The following HPSE2 variants were observed in gnomAD, a reference collection of about 807,000 sequenced individuals.
HPSE2 encodes the protein inactive heparanase-2.
HPSE2 carries 38 observed loss-of-function variants against 60.5 expected under a neutral mutation model. The observed-to-expected ratio is 0.63, with a 90% confidence interval of 0.48 to 0.82. HPSE2 has a LOEUF of 0.82. Among genes scored for constraint, HPSE2 ranks in the 40% least tolerant of loss-of-function variants. The pLI is 0.00. For missense variants in HPSE2, 713 were observed against 740.4 expected, an observed-to-expected ratio of 0.96 and a Z score of 0.43; for synonymous variants, 295 against 293.2, an observed-to-expected ratio of 1.01 and a Z score of -0.06.
In HPSE2 at chr10:98,495,091, CT is replaced by C. The variant is rs1423836324; in HGVS notation, c.1321-4896del. On this transcript the variant is annotated intron_variant, in intron 9 of 11. Transcript: ENST00000370552. ...GTCTAGTCATCACAAAATCTCTCAG[CT>C]TTTCTTTATTTGAGAATGTCTTAAT... 7.9e-5 allele frequency among the ~76,000 whole-genome samples: 12 copies of C among 152,148 alleles called. No individual in the cohort carries two copies. The South Asian group carries it at 2.3e-3, about 29-fold the overall frequency.
intron 3 of HPSE2, among the ~76,000 whole-genome samples, chr10:98,997,925 G>A (rs768446664): frequency 2.6e-5 from 4 of 152,166 alleles, no homozygotes; most frequent in Admixed American, 6.5e-5. Flanking sequence ...CACATCTGTC[G>A]TAATGAAAAG....
intron 2 of HPSE2, among the ~76,000 whole-genome samples, chr10:99,148,306 A>G (rs1475453973): frequency 6.6e-6 from 1 of 152,240 alleles, no homozygotes; most frequent in Admixed American, 6.5e-5. Context: ...GTTATTGTAC[A>G]GATACACAAA....
chr10:99,005,549 T>C (rs544287071), intron 3 of HPSE2, among the ~76,000 whole-genome samples: 1 of 152,292 alleles, frequency 6.6e-6, no homozygotes, highest in South Asian at 2.1e-4. Context: ...TTTGGTAGTT[T>C]ACTATTTTCC....
At chr10:98,614,149 C>T (rs542144160) in intron 9 of HPSE2, among the ~76,000 whole-genome samples, 8 of 152,254 alleles carry the variant, frequency 5.3e-5, no homozygotes, top group African/African-American at 1.9e-4. Flanking sequence ...ATAACACTCC[C>T]CCATCTGCTT....
At chr10:98,884,733 G>C (rs977252490) in intron 3 of HPSE2, among the ~76,000 whole-genome samples, 4 of 152,100 alleles carry the variant, frequency 2.6e-5, no homozygotes, top group Admixed American at 2.6e-4. Context: ...TTGGCGAGGA[G>C]GACGGTTTCA....
At chr10:98,849,618 A>G (rs1323955160) in intron 3 of HPSE2, among the ~76,000 whole-genome samples, 2 of 152,360 alleles carry the variant, frequency 1.3e-5, no homozygotes, top group East Asian at 1.9e-4. Context: ...AACCTCTCCT[A>G]AAGGGAAAGG....
intron 9 of HPSE2, among the ~76,000 whole-genome samples, chr10:98,531,884 T>C (rs748124499): frequency 3.3e-5 from 5 of 152,204 alleles, no homozygotes; most frequent in Non-Finnish European, 7.3e-5. Context: ...CATCCACAAA[T>C]GGGGATCATA....
At chr10:98,867,439 CA>C (rs1400378356) in intron 3 of HPSE2, among the ~76,000 whole-genome samples, 1 of 152,112 alleles carries the variant, frequency 6.6e-6, no homozygotes, top group Non-Finnish European at 1.5e-5. Flanking sequence ...ATCAAAACCA[CA>C]ATGAGATATC....
intron 6 of HPSE2, among the ~76,000 whole-genome samples, chr10:98,675,774 C>G (rs1947625512): frequency 6.6e-6 from 1 of 152,056 alleles, no homozygotes; most frequent in African/African-American, 2.4e-5. Context: ...AGAGGGTTGT[C>G]CTGTAATTCT....
intron 3 of HPSE2, among the ~76,000 whole-genome samples, chr10:99,031,677 A>G (rs1237689216): frequency 6.6e-6 from 1 of 152,202 alleles, no homozygotes; most frequent in Non-Finnish European, 1.5e-5. Context: ...GAGTAAAGGA[A>G]AAGATACAAC....
intron 3 of HPSE2, among the ~76,000 whole-genome samples, chr10:99,028,742 G>A (rs529272589): frequency 1.4e-4 from 21 of 152,214 alleles, no homozygotes; most frequent in Non-Finnish European, 2.5e-4. Flanking sequence ...TTATACTACA[G>A]TGATACAGTA....
intron 5 of HPSE2, among the ~76,000 whole-genome samples, chr10:98,701,318 C>T (rs61884580): frequency 0.7 from 98,125 of 139,650 alleles, 36,622 homozygotes; most frequent in South Asian, 0.94. Context: ...CCATAAAACA[C>T]GATGAGTTCA....
At position 99,172,654 on chromosome 10, in the gene HPSE2, G is replaced by GA. The variant is rs532864044; in HGVS notation, c.449-28256dup. Among the ~76,000 whole-genome samples the GA allele has an allele frequency of 6.5e-3, 991 of 152,274 alleles. 5 individuals carry two copies. Among genetic ancestry groups the GA allele is most frequent in the Non-Finnish European group, 8.5e-3 (577 of 68,026 alleles). ...GGGCTTTGGGAGGCCAGGGTGGGGG[G>GA]ATCACCTGAGGTCAGAAGTTCCAGA... On this transcript the variant is annotated intron_variant, in intron 2 of 11. Transcript: ENST00000370552.
At chr10:98,708,734 T>C (rs1004480303) in intron 5 of HPSE2, among the ~76,000 whole-genome samples, 1 of 152,158 alleles carries the variant, frequency 6.6e-6, no homozygotes, top group East Asian at 1.9e-4. Context: ...TCAAACAAAA[T>C]ATGCATTTCC....
At chr10:99,070,787 C>T (rs577834695) in intron 3 of HPSE2, among the ~76,000 whole-genome samples, 4 of 152,284 alleles carry the variant, frequency 2.6e-5, no homozygotes, top group Admixed American at 2.6e-4. Flanking sequence ...GTTTATTTGA[C>T]TTAGCATAAT....
intron 2 of HPSE2, among the ~76,000 whole-genome samples, chr10:99,169,504 CAAAAAAAAAAAAAAAAAAAAAAAAAAA>C (rs562946052): frequency 8.6e-4 from 47 of 54,734 alleles, no homozygotes; most frequent in African/African-American, 2.0e-3. Context: ...GACTCCGTCT[CAAAAAAAAAAAAAAAAAAAAAAAAAAA>C]AAAAAAAAAA....
chr10:98,689,346 C>A (rs1226991836), intron 6 of HPSE2, among the ~76,000 whole-genome samples: 1 of 152,132 alleles, frequency 6.6e-6, no homozygotes, highest in African/African-American at 2.4e-5. Context: ...CAAGTTTACT[C>A]TTTCTTCTGT....
At chr10:98,966,473 C>T (rs1322674528) in intron 3 of HPSE2, among the ~76,000 whole-genome samples, 19 of 152,084 alleles carry the variant, frequency 1.2e-4, no homozygotes, top group Admixed American at 1.2e-3. Context: ...TAAACAGGTA[C>T]TAGTCATATA....
At chr10:98,758,146 T>G (rs938568746) in intron 3 of HPSE2, among the ~76,000 whole-genome samples, 3 of 152,018 alleles carry the variant, frequency 2.0e-5, no homozygotes, top group Non-Finnish European at 1.5e-5. Context: ...ATGCAGAAGA[T>G]TGAAACTGAA....
Sources: gnomAD v4.1 joint callset for allele counts (sites outside exome capture counted in the v4.1 genomes callset) on GRCh38, gnomAD v4.1.1 for gene constraint, MANE v1.5 for transcripts, NCBI Gene and HGNC (gene_info 2026-07-23, HGNC 2026-07-21) for gene names.